DGKG: variants seen among roughly 807,000 people sequenced by gnomAD.
DGKG encodes the protein diacylglycerol kinase gamma.
DGKG carries 78 observed loss-of-function variants against 105.3 expected under a neutral mutation model. The observed-to-expected ratio is 0.74, with a 90% CI of 0.62 to 0.89. DGKG has a LOEUF of 0.89. Among genes scored for constraint, DGKG ranks in the 40% least tolerant of loss-of-function variants. DGKG has a pLI of 0.00. For synonymous variants in DGKG, 346 were observed against 367.1 expected, an observed-to-expected ratio of 0.94 and a Z score of 0.66; for missense variants, 958 against 1,020.1, an observed-to-expected ratio of 0.94 and a Z score of 0.83.
chr3:186,325,543 A>G (rs906749680), intron 1 of DGKG, among the ~76,000 whole-genome samples: 9 of 152,174 alleles, frequency 5.9e-5, no homozygotes, highest in Non-Finnish European at 1.0e-4. Context: ...TTTAGCGTCC[A>G]CTAATGATTA....
At position 186,211,836 on chromosome 3, in the gene DGKG, C is replaced by G. The variant is rs1480005811; in HGVS notation, c.1876G>C (p.Ala626Pro). 1.1e-5 allele frequency: 18 copies of G among 1,614,216 alleles called. No individual in the cohort carries two copies. The highest frequency in any genetic ancestry group is 1.5e-5 in the Non-Finnish European group (18 of 1,180,042). ...TCGTGGAGTTTCTTGCAGGTCGCTG[C>G]AAAAGTCTCCGAGGTGCCAAATTCA... The part of the protein sequence containing the change: ...YFEFGTSETF[A>P]ATCKKLHDHI... The change falls in exon 21 of 25, where the codon GCA becomes CCA. Residue 626 changes from alanine (A) to proline (P), a missense_variant. By Grantham distance (27) the Ala-to-Pro change is conservative. Transcript: ENST00000265022.
chr3:186,160,242 A>G (rs1352423149), intron 24 of DGKG: 1 of 985,398 alleles, frequency 1.0e-6, no homozygotes, highest in Non-Finnish European at 1.2e-6. Flanking sequence ...GCATTTGGCT[A>G]TTTCAAAATC....
chr3:186,354,654 C>T (rs4496469), intron 1 of DGKG, among the ~76,000 whole-genome samples: 1 of 152,216 alleles, frequency 6.6e-6, no homozygotes, highest in Non-Finnish European at 1.5e-5. Flanking sequence ...CTTCTTTTCT[C>T]TTACACATCA....
chr3:186,312,203 C>T (rs888907565), intron 2 of DGKG, among the ~76,000 whole-genome samples: 1 of 140,896 alleles, frequency 7.1e-6, no homozygotes, highest in Middle Eastern at 4.0e-3. Flanking sequence ...TGTTAAACTC[C>T]GAAAAAACTA....
At position 186,210,248 on chromosome 3, in the gene DGKG, CT is replaced by C. The variant is rs1291532409; in HGVS notation, c.1917+1546del. ...GTGGTTAGGCCAGGGCTGTCCCTCA[CT>C]TGTGGTATATTTAAAGAGACCTCAC... On this transcript the variant is annotated intron_variant, in intron 21 of 24. Transcript: ENST00000265022. The surrounding 1 kb of genome is among the most constrained non-coding windows in gnomAD (Gnocchi z 5.2). Among the ~76,000 whole-genome samples, 4 of 152,312 alleles carry C rather than the reference CT, an allele frequency of 2.6e-5. No homozygotes were observed. The South Asian group carries it at 6.2e-4, about 24-fold the overall frequency.
Position 186,348,427 on chromosome 3 carries a change from G to A in DGKG, c.-249+13519C>T, listed in dbSNP as rs184443101. ...CTTTTTTTTTTCTGTACAAATTACT[G>A]AATAGAGAATTCTGGCTCATAATCT... On this transcript the variant is annotated intron_variant, in intron 1 of 24. Coordinates refer to ENST00000265022, the MANE Select transcript of DGKG (RefSeq NM_001346.3). Among the ~76,000 whole-genome samples, 54 of 75,760 alleles carry A rather than the reference G, an allele frequency of 7.1e-4. No individual in the cohort carries two copies. In the East Asian group the frequency reaches 0.017, roughly 23 times the overall value. The allele number at this position is 75,760 out of a possible 152,430, so 49.7% of individuals were successfully genotyped here.
intron 7 of DGKG, among the ~76,000 whole-genome samples, chr3:186,281,615 A>G (rs761703979): frequency 5.3e-5 from 8 of 152,242 alleles, no homozygotes; most frequent in Non-Finnish European, 1.2e-4. Flanking sequence ...CAGGGATTTT[A>G]AAAAATTGTA....
At chr3:186,236,366 T>C (rs1373220400) in intron 20 of DGKG, among the ~76,000 whole-genome samples, 2 of 152,264 alleles carry the variant, frequency 1.3e-5, no homozygotes, top group African/African-American at 4.8e-5. Flanking sequence ...ATGCTTGTTA[T>C]TCAATGATAT....
rs977745246 is a variant in DGKG, at chr3:186,284,268, C to T, written c.594+392G>A. Among the ~76,000 whole-genome samples the T allele has an allele frequency of 9.9e-5, 15 of 152,150 alleles. No homozygotes were observed. The highest frequency in any genetic ancestry group is 3.6e-4 in the African/African-American group (15 of 41,428). On this transcript the variant is annotated intron_variant, in intron 7 of 24. Transcript: ENST00000265022. The surrounding 1 kb of genome is among the most constrained non-coding windows in gnomAD (Gnocchi z 4.0). The stretch of plus-strand genomic sequence containing the variant: ...TCCTTCCTTGCACATCAACAGTAAC[C>T]AGCAGCCTCCTTCCTCGTGCCCTTT...
intron 2 of DGKG, among the ~76,000 whole-genome samples, chr3:186,312,902 T>A (rs1724626650): frequency 6.6e-6 from 1 of 152,250 alleles, no homozygotes; most frequent in Admixed American, 6.5e-5. Context: ...ACGGATGTAC[T>A]TGCTACACAC....
rs200722393 is a variant in DGKG, at chr3:186,237,806, AC to A, written c.1826+4697del. Reference sequence around the variant, plus strand: ...AAAAATACATGACTTTTGTTAGTTGACTTGGTTTCTTCCAGTGTCAGTTCCT... The same window carrying A: ...AAAAATACATGACTTTTGTTAGTTGATTGGTTTCTTCCAGTGTCAGTTCCT... On this transcript the variant is annotated intron_variant, in intron 20 of 24. Coordinates refer to ENST00000265022, the MANE Select transcript of DGKG (RefSeq NM_001346.3). 6.9e-3 allele frequency among the ~76,000 whole-genome samples: 1,049 copies of A among 152,316 alleles called. 8 individuals are homozygous for A. Among genetic ancestry groups the A allele is most frequent in the African/African-American group, 0.024 (997 of 41,568 alleles).
rs2108682077 is a variant in DGKG at position 186,359,252 on chromosome 3, T to C, written c.-249+2694A>G. Among the ~76,000 whole-genome samples, 4 of 152,308 alleles carry C rather than the reference T, an allele frequency of 2.6e-5. 1 individual carries two copies. In the South Asian group the frequency reaches 8.3e-4, roughly 32 times the overall value. ...TATACTGTGAGCCTTAAAACATTCA[T>C]GCCCTTTGGCCTGGTGATCTATTTC... On this transcript the variant is annotated intron_variant, in intron 1 of 24. Coordinates refer to ENST00000265022, the MANE Select transcript of DGKG (RefSeq NM_001346.3).
At chr3:186,270,516 G>A (rs1252514424) in intron 11 of DGKG, among the ~76,000 whole-genome samples, 1 of 152,238 alleles carries the variant, frequency 6.6e-6, no homozygotes, top group East Asian at 1.9e-4. Flanking sequence ...TGCTTTGGAA[G>A]ATGTGTCACG....
chr3:186,310,499 C>A (rs1724489848), intron 2 of DGKG, among the ~76,000 whole-genome samples: 1 of 152,074 alleles, frequency 6.6e-6, no homozygotes, highest in Non-Finnish European at 1.5e-5. Flanking sequence ...CAGTTTTCTT[C>A]TTAATAGATG....
chr3:186,341,999 CACTCTGGGGA>C (rs1174919419), intron 1 of DGKG, among the ~76,000 whole-genome samples: 1 of 152,172 alleles, frequency 6.6e-6, no homozygotes, highest in Non-Finnish European at 1.5e-5. Flanking sequence ...GGTAATATCA[CACTCTGGGGA>C]CTGTTGTGGG....
intron 1 of DGKG, among the ~76,000 whole-genome samples, chr3:186,346,546 C>A (rs1273167147): frequency 1.3e-5 from 2 of 151,934 alleles, no homozygotes; most frequent in Non-Finnish European, 2.9e-5. Context: ...AACAACAGGT[C>A]TTTTTGGTCT....
chr3:186,334,778 A>G (rs1364662951), intron 1 of DGKG, among the ~76,000 whole-genome samples: 1 of 152,202 alleles, frequency 6.6e-6, no homozygotes, highest in Non-Finnish European at 1.5e-5. Context: ...TCACAGAGCT[A>G]TTAATTAATG....
intron 22 of DGKG, among the ~76,000 whole-genome samples, chr3:186,187,726 C>G (rs560018708): frequency 6.6e-6 from 1 of 152,212 alleles, no homozygotes; most frequent in East Asian, 1.9e-4. Flanking sequence ...CCTGGGGATC[C>G]TCCAGCATCA....
rs1470682017 is a variant in DGKG at position 186,353,372 on chromosome 3, A to AAAAACATGCAT, written c.-249+8573_-249+8574insATGCATGTTTT. Among the ~76,000 whole-genome samples the AAAAACATGCAT allele has an allele frequency of 4.6e-5, 7 of 152,006 alleles. No homozygotes were observed. The East Asian group carries it at 1.4e-3, about 29-fold the overall frequency. ...CATCTCTATTAAAAACACAAAAATTAGCCAGATGTGGTGGCATGCATCTGT... is the reference window on the plus strand; with the variant it reads ...CATCTCTATTAAAAACACAAAAATTAAAAACATGCATGCCAGATGTGGTGGCATGCATCTGT... On this transcript the variant is annotated intron_variant, in intron 1 of 24. Transcript: ENST00000265022.
Sources: gnomAD v4.1 joint callset for allele counts (sites outside exome capture counted in the v4.1 genomes callset) on GRCh38, gnomAD v4.1.1 for gene constraint, Gnocchi (gnomAD v3.1) non-coding constraint, MANE v1.5 for transcripts, NCBI Gene and HGNC (gene_info 2026-07-23, HGNC 2026-07-21) for gene names.